Variants in CDH19 observed in about 807,000 individuals in gnomAD.
CDH19 encodes cadherin-19.
In CDH19, 67 loss-of-function variants were observed where a neutral mutation model predicts 64.2. The ratio of observed to expected loss-of-function variants is 1.04; its 90% CI spans 0.86 to 1.28. The LOEUF (loss-of-function observed/expected upper bound fraction) is 1.28, where lower values mean the gene tolerates loss of function less well. Among genes scored for constraint, CDH19 ranks in the 50% most tolerant of loss-of-function variants. CDH19 has a pLI of 0.00. For synonymous variants in CDH19, 346 were observed against 319.3 expected (o/e 1.08, Z -0.89); for missense variants, 1,030 against 929.0 (o/e 1.11, Z -1.41).
At chr18:66,508,188 C>T (rs1348173158) in intron 11 of CDH19, among the ~76,000 whole-genome samples, 1 of 151,788 alleles carries the variant, frequency 6.6e-6, no homozygotes, top group Non-Finnish European at 1.5e-5. Flanking sequence ...AAATCTAAAA[C>T]AAGTAAATAA....
chr18:66,562,642 G>A (rs1206544638), intron 3 of CDH19, among the ~76,000 whole-genome samples: 1 of 152,142 alleles, frequency 6.6e-6, no homozygotes, highest in East Asian at 1.9e-4. Context: ...GTGCTTGAAA[G>A]GAAAACGTTA....
Position 66,504,715 on chromosome 18 carries a change from C to A in CDH19, c.*97G>T. 7.7e-7 allele frequency: 1 copy of A among 1,299,470 alleles called. No individual in the cohort carries two copies. The highest frequency in any genetic ancestry group is 1.1e-6 in the Non-Finnish European group (1 of 950,904). The allele number at this position is 1,299,470 out of a possible 1,614,324, so 80.5% of individuals were successfully genotyped here. ...AATCAGAAAACTCCATAGACTAGGG[C>A]TTTCCCCGCCATAGAGCCAGGGCAC... On this transcript the variant is annotated 3_prime_UTR_variant, in exon 12 of 12. Transcript: ENST00000262150.
chr18:66,506,484 A>G (rs1985203937), intron 11 of CDH19, among the ~76,000 whole-genome samples: 1 of 152,030 alleles, frequency 6.6e-6, no homozygotes, highest in East Asian at 1.9e-4. Flanking sequence ...AGACAAAAGT[A>G]GAAAGTTGGT....
chr18:66,573,640 T>C (rs1056403946), intron 1 of CDH19, among the ~76,000 whole-genome samples: 1 of 151,552 alleles, frequency 6.6e-6, no homozygotes, highest in Non-Finnish European at 1.5e-5. Context: ...ATTTTTTTTA[T>C]AAGTTTGGCA....
intron 9 of CDH19, among the ~76,000 whole-genome samples, chr18:66,528,717 A>AT (rs1470802091): frequency 1.3e-5 from 2 of 152,068 alleles, no homozygotes; most frequent in East Asian, 3.8e-4. Context: ...AGATGTACCT[A>AT]TTTCTTAAGA....
chr18:66,597,458 A>G (rs1988930733), intron 1 of CDH19, among the ~76,000 whole-genome samples: 1 of 152,116 alleles, frequency 6.6e-6, no homozygotes, highest in Non-Finnish European at 1.5e-5. Flanking sequence ...AAATCAGTAC[A>G]GATTAAATAC....
At chr18:66,505,548 AAT>A (rs907058360) in intron 11 of CDH19, among the ~76,000 whole-genome samples, 5 of 140,976 alleles carry the variant, frequency 3.5e-5, no homozygotes, top group African/African-American at 1.3e-4. Context: ...TATATTTATT[AAT>A]ATATATATTA....
At chr18:66,532,159 C>A (rs1466938145) in intron 8 of CDH19, among the ~76,000 whole-genome samples, 2 of 151,856 alleles carry the variant, frequency 1.3e-5, no homozygotes, top group Non-Finnish European at 2.9e-5. Context: ...TAGAGACAGG[C>A]TTTTGCCATG....
chr18:66,600,401 C>T (rs1260415493), intron 1 of CDH19, among the ~76,000 whole-genome samples: 2 of 151,742 alleles, frequency 1.3e-5, no homozygotes, highest in African/African-American at 4.8e-5. Flanking sequence ...TTAACTCACT[C>T]TCTTAAAAGT....
chr18:66,502,045 CATTA>C lies in CDH19; in HGVS notation c.*2763_*2766del, dbSNP rs1178814981. 2 of 151,930 alleles carry C rather than the reference CATTA, an allele frequency of 1.3e-5. No individual in the cohort carries two copies. The highest frequency in any genetic ancestry group is 4.8e-5 in the African/African-American group (2 of 41,394). The allele number at this position is 151,930 out of a possible 1,614,324, so 9.4% of individuals were successfully genotyped here. A position where few individuals can be genotyped will look rare whatever the true frequency, so the allele number is the denominator to read the frequency against. On this transcript the variant is annotated 3_prime_UTR_variant, in exon 12 of 12. Coordinates refer to ENST00000262150, the MANE Select transcript of CDH19 (RefSeq NM_021153.4). ...CTGTGCTATTTTCATAAATATTTTG[CATTA>C]ATTTAGAGTTTATTAAAATTTACAA...
rs374199828 is a variant in CDH19 at position 66,511,640 on chromosome 18, C to A, written c.1504G>T (p.Glu502Ter). The A allele has an allele frequency of 9.5e-6, 15 of 1,580,426 alleles. No individual in the cohort carries two copies. In the East Asian group the frequency reaches 1.1e-4, roughly 12 times the overall value. ...SAVDRDESIE[E>*]HHFYFNLSVE... ...GATAGATTAAAGTAAAAATGGTGCT[C>A]TTCTATGGATTCATCTCTATCCACT... Residue 502 changes from glutamate to a stop codon, truncating the protein, a stop_gained, in exon 10 of 12, where the codon GAG (glutamate) becomes TAG (stop). Coordinates refer to ENST00000262150, the MANE Select transcript of CDH19 (RefSeq NM_021153.4). LOFTEE classifies it high-confidence loss of function.
At position 66,501,691 on chromosome 18, in the gene CDH19, T is replaced by C. The variant is rs192523245; in HGVS notation, c.*3121A>G. 7.9e-5 allele frequency: 12 copies of C among 152,248 alleles called. No homozygotes were observed. The highest frequency in any genetic ancestry group is 3.3e-4 in the Admixed American group (5 of 15,278). 9.4% of individuals were successfully genotyped at this position (152,248 alleles called of 1,614,324 possible). On this transcript the variant is annotated 3_prime_UTR_variant, in exon 12 of 12. Coordinates refer to ENST00000262150, the MANE Select transcript of CDH19 (RefSeq NM_021153.4). ...TTCACTGTTATTTATTGAGCAGTTATATTTTGTCAGGCACTATTGGTGCTG... is the reference window on the plus strand; with the variant it reads ...TTCACTGTTATTTATTGAGCAGTTACATTTTGTCAGGCACTATTGGTGCTG...
chr18:66,576,332 G>T (rs1046485641), intron 1 of CDH19, among the ~76,000 whole-genome samples: 6 of 151,246 alleles, frequency 4.0e-5, no homozygotes, highest in Non-Finnish European at 7.4e-5. Flanking sequence ...AGAATTTAAA[G>T]AATGAAAAAC....
intron 9 of CDH19, among the ~76,000 whole-genome samples, chr18:66,515,511 G>GA (rs1260880220): frequency 6.6e-6 from 1 of 151,708 alleles, no homozygotes; most frequent in Non-Finnish European, 1.5e-5. Context: ...AATATTAGAA[G>GA]AAAAATGTTC....
At chr18:66,530,048 G>A (rs1986382213) in intron 8 of CDH19, 82 bp from the exon 9 acceptor site, 3 of 596,454 alleles carry the variant, frequency 5.0e-6, no homozygotes, top group Admixed American at 3.6e-5. Context: ...TACATTAGAG[G>A]CTACGTGGTG....
At chr18:66,590,092 A>G (rs1988699508) in intron 1 of CDH19, among the ~76,000 whole-genome samples, 1 of 152,000 alleles carries the variant, frequency 6.6e-6, no homozygotes, top group South Asian at 2.1e-4. Flanking sequence ...AATTTCAGGG[A>G]AATTGTTTCT....
intron 9 of CDH19, among the ~76,000 whole-genome samples, chr18:66,521,678 G>A (rs1235408243): frequency 1.3e-5 from 2 of 151,424 alleles, no homozygotes; most frequent in Non-Finnish European, 2.9e-5. Flanking sequence ...TGGTTCTACA[G>A]GCATTAATCA....
At position 66,544,904 on chromosome 18, in the gene CDH19, C is replaced by T. The variant is rs761103417; in HGVS notation, c.776-1G>A. On this transcript the variant is annotated splice_acceptor_variant, in intron 5 of 11. Transcript: ENST00000262150. LOFTEE classifies it high-confidence loss of function. ...TCAGAGACAGTCAAGCGGTATAAAC[C>T]TTTAAAAACAAAATTGGAGGTATTT... is the stretch of plus-strand genomic sequence containing the variant. 1 of 1,565,700 alleles carries T rather than the reference C, an allele frequency of 6.4e-7. No individual in the cohort carries two copies. Among genetic ancestry groups the T allele is most frequent in the East Asian group, 2.3e-5 (1 of 43,858 alleles).
At chr18:66,552,583 T>TC (rs1987385115) in intron 4 of CDH19, among the ~76,000 whole-genome samples, 1 of 126,460 alleles carries the variant, frequency 7.9e-6, no homozygotes, top group South Asian at 2.6e-4. Context: ...GAGTCTTTGT[T>TC]CCCCATTAAC....
Sources: gnomAD v4.1 joint callset for allele counts (sites outside exome capture counted in the v4.1 genomes callset) on GRCh38, gnomAD v4.1.1 for gene constraint, MANE v1.5 for transcripts, NCBI Gene and HGNC (gene_info 2026-07-23, HGNC 2026-07-21) for gene names.